Variants in LIMCH1 observed in about 807,000 individuals in gnomAD.
The protein encoded by LIMCH1 is LIM and calponin homology domains-containing protein 1.
A neutral mutation model predicts 176.5 loss-of-function variants in LIMCH1; 113 were observed. The observed-to-expected ratio is 0.64, with a 90% CI of 0.55 to 0.75. The LOEUF is 0.75. Among genes scored for constraint, LIMCH1 ranks in the 30% least tolerant of loss-of-function variants. The pLI is 0.00. For synonymous variants in LIMCH1, 619 were observed against 645.9 expected (o/e 0.96, Z 0.63); for missense variants, 1,674 against 1,814.9 (o/e 0.92, Z 1.41).
chr4:41,475,883 T>C (rs377308223), intron 1 of LIMCH1, among the ~76,000 whole-genome samples: 4 of 152,020 alleles, frequency 2.6e-5, no homozygotes, highest in East Asian at 1.9e-4. Flanking sequence ...AGTAAAATAA[T>C]ACAAAAAAAG....
In LIMCH1 at chr4:41,685,780, G is replaced by T; in HGVS notation, c.4038G>T (p.Pro1346=). Residue 1346 remains proline, a synonymous_variant, in exon 28 of 32, where the codon CCG becomes CCT. Coordinates refer to ENST00000503057, the MANE Select transcript of LIMCH1 (RefSeq NM_001330672.2). ...SSEDVKPKTL[P]LDKSINHQIE... ...AAGATGTGAAGCCAAAAACCCTCCCGCTGGATAAAAGCATTAACCATCAGA... is the reference window on the plus strand; with the variant it reads ...AAGATGTGAAGCCAAAAACCCTCCCTCTGGATAAAAGCATTAACCATCAGA... 1.2e-6 allele frequency: 2 copies of T among 1,613,464 alleles called. No homozygotes were observed. The highest frequency in any genetic ancestry group is 1.7e-6 in the Non-Finnish European group (2 of 1,179,642).
At chr4:41,481,647 A>G (rs1360503849) in intron 1 of LIMCH1, among the ~76,000 whole-genome samples, 1 of 152,046 alleles carries the variant, frequency 6.6e-6, no homozygotes, top group Admixed American at 6.5e-5. Flanking sequence ...GTCATAGCGT[A>G]GAGACAGAGA....
chr4:41,607,878 A>T (rs2090935470), intron 4 of LIMCH1, among the ~76,000 whole-genome samples: 1 of 152,202 alleles, frequency 6.6e-6, no homozygotes, highest in Admixed American at 6.5e-5. Context: ...CCATATCTCC[A>T]TCTAGAGAGA....
chr4:41,600,290 T>C (rs899181348), intron 2 of LIMCH1, among the ~76,000 whole-genome samples: 3 of 152,222 alleles, frequency 2.0e-5, no homozygotes, highest in African/African-American at 7.2e-5. Context: ...TTTATTATTG[T>C]ACTTAAATCT....
At chr4:41,440,289 T>G (rs1311031014) in intron 1 of LIMCH1, among the ~76,000 whole-genome samples, 1 of 152,192 alleles carries the variant, frequency 6.6e-6, no homozygotes, top group East Asian at 1.9e-4. Flanking sequence ...AGTATCTAAC[T>G]AAAACAATGT....
At chr4:41,492,651 T>A (rs975630091) in intron 1 of LIMCH1, among the ~76,000 whole-genome samples, 1 of 152,210 alleles carries the variant, frequency 6.6e-6, no homozygotes, top group Non-Finnish European at 1.5e-5. Context: ...GTTGGTCAAG[T>A]CTTCTATAGC....
chr4:41,576,688 A>G (rs1357854809), intron 1 of LIMCH1, among the ~76,000 whole-genome samples: 2 of 152,148 alleles, frequency 1.3e-5, no homozygotes, highest in Admixed American at 6.5e-5. Flanking sequence ...CTTCCCTTTC[A>G]AAAGTATCTT....
At chr4:41,649,490 CTGT>C (rs1449816113) in intron 17 of LIMCH1, among the ~76,000 whole-genome samples, 2 of 152,204 alleles carry the variant, frequency 1.3e-5, no homozygotes, top group Middle Eastern at 6.3e-3. Flanking sequence ...GTTCTAAATT[CTGT>C]ACATTTGATA....
At chr4:41,377,897 C>G (rs189677788) in intron 1 of LIMCH1, among the ~76,000 whole-genome samples, 24 of 152,312 alleles carry the variant, frequency 1.6e-4, no homozygotes, top group Admixed American at 1.6e-3. Flanking sequence ...TTAATCCAAT[C>G]ATGAGGGCAG....
At chr4:41,530,016 C>T (rs2077083697) in intron 3 of LIMCH1, among the ~76,000 whole-genome samples, 1 of 151,998 alleles carries the variant, frequency 6.6e-6, no homozygotes, top group African/African-American at 2.4e-5. Context: ...GAGCTTCCTG[C>T]CATGGAAAAA....
chr4:41,439,479 G>A (rs1238010902), intron 1 of LIMCH1, among the ~76,000 whole-genome samples: 1 of 152,108 alleles, frequency 6.6e-6, no homozygotes, highest in Non-Finnish European at 1.5e-5. Flanking sequence ...CCCAGCTCAG[G>A]AAGCTGAAGT....
chr4:41,574,283 C>A (rs2084080283), intron 1 of LIMCH1, among the ~76,000 whole-genome samples: 1 of 45,094 alleles, frequency 2.2e-5, no homozygotes, highest in South Asian at 1.3e-3. Flanking sequence ...CCCTCCCCTC[C>A]CCTCCCCTCC....
chr4:41,668,715 T>A (rs1021862132), intron 21 of LIMCH1, among the ~76,000 whole-genome samples: 3 of 152,204 alleles, frequency 2.0e-5, no homozygotes, highest in Non-Finnish European at 4.4e-5. Context: ...GTTTTCATGC[T>A]GTTGATAAAG....
intron 1 of LIMCH1, among the ~76,000 whole-genome samples, chr4:41,429,594 A>G (rs1287980302): frequency 6.6e-6 from 1 of 152,194 alleles, no homozygotes. Flanking sequence ...AGAATTATGG[A>G]AAAAGGATGG....
intron 2 of LIMCH1, among the ~76,000 whole-genome samples, chr4:41,519,165 G>C (rs143916487): frequency 6.6e-6 from 1 of 152,150 alleles, no homozygotes; most frequent in Non-Finnish European, 1.5e-5. Context: ...CGTGAATTAG[G>C]ATGTATGACA....
At position 41,666,640 on chromosome 4, in the gene LIMCH1, T is replaced by G. The variant is rs762984819; in HGVS notation, c.3371T>G (p.Leu1124Arg). The G allele has an allele frequency of 1.2e-6, 2 of 1,613,226 alleles. No homozygotes were observed. The highest frequency in any genetic ancestry group is 8.5e-7 in the Non-Finnish European group (1 of 1,179,170). ...GACAAAATGCCTGAAGCCAACCAACTACATTTGCCAAATCTCAATTCTCAA... is the reference window on the plus strand; with the variant it reads ...GACAAAATGCCTGAAGCCAACCAACGACATTTGCCAAATCTCAATTCTCAA... ...FLDKMPEANQLHLPNLNSQVD... is the reference protein window; with the variant it reads ...FLDKMPEANQRHLPNLNSQVD... The change falls in exon 21 of 32, where the codon CTA becomes CGA. Residue 1124 changes from leucine (L) to arginine (R), a missense_variant. Coordinates refer to ENST00000503057, the MANE Select transcript of LIMCH1 (RefSeq NM_001330672.2).
At chr4:41,677,837 A>AAAAT (rs200541073) in intron 23 of LIMCH1, among the ~76,000 whole-genome samples, 13,671 of 152,006 alleles carry the variant, frequency 0.09, 719 homozygotes, top group South Asian at 0.14. Context: ...TGATTTTACA[A>AAAAT]AAATAAATAA....
chr4:41,598,730 G>T (rs538697995), intron 1 of LIMCH1, among the ~76,000 whole-genome samples, 190 bp from the exon 2 acceptor site: 10 of 152,280 alleles, frequency 6.6e-5, no homozygotes, highest in African/African-American at 2.4e-4. Flanking sequence ...TGGCATGGTT[G>T]TGGGTTTGGA....
At chr4:41,534,345 T>C (rs1475570345), upstream of LIMCH1, among the ~76,000 whole-genome samples, 1 of 152,138 alleles carries the variant, frequency 6.6e-6, no homozygotes, top group Non-Finnish European at 1.5e-5. Flanking sequence ...ATGAAAAAAA[T>C]GCATCTTTAT....
Sources: gnomAD v4.1 joint callset for allele counts (sites outside exome capture counted in the v4.1 genomes callset) on GRCh38, gnomAD v4.1.1 for gene constraint, MANE v1.5 for transcripts, NCBI Gene and HGNC (gene_info 2026-07-23, HGNC 2026-07-21) for gene names.